The following TRPV1 variants were observed in gnomAD, a reference collection of about 807,000 sequenced individuals.
The protein encoded by TRPV1 is OTRPC1.
In TRPV1, 82 loss-of-function variants were observed where a neutral mutation model predicts 82.3. The ratio of observed to expected loss-of-function variants is 1.00; its 90% CI spans 0.83 to 1.20. TRPV1 has a LOEUF of 1.20. Ranked by LOEUF, TRPV1 falls within the 50% of genes most tolerant of loss-of-function variation. TRPV1 has a pLI of 0.00. For missense variants in TRPV1, 1,067 were observed against 1,096.8 expected (o/e 0.97, Z 0.38); for synonymous variants, 515 against 467.7 (o/e 1.10, Z -1.30).
In TRPV1 at chr17:3,580,464, T is replaced by A; in HGVS notation, c.1540A>T (p.Met514Leu). Residue 514 changes from methionine to leucine, a missense_variant, in exon 11 of 17, where the codon ATG becomes TTG. Coordinates refer to ENST00000572705, the MANE Select transcript of TRPV1 (RefSeq NM_080704.4). ...AGTCAAAGTGTCACTTACAAAAGCA[T>A]CTCACTGTAGCTGTCCACAAACAGG... Reference protein sequence around the residue: ...KTLFVDSYSEMLFFLQSLFML... With the variant: ...KTLFVDSYSELLFFLQSLFML... The A allele has an allele frequency of 6.2e-7, 1 of 1,613,974 alleles. No individual in the cohort carries two copies. The highest frequency in any genetic ancestry group is 1.1e-5 in the South Asian group (1 of 91,086).
chr17:3,578,943 CAT>C (rs760270767), intron 11 of TRPV1: 23 of 152,298 alleles, frequency 1.5e-4, no homozygotes, highest in Admixed American at 1.2e-3. Context: ...CCAAATCCCA[CAT>C]GTTCTTACTT....
chr17:3,600,067 A>C (rs1038216288), intron 2 of TRPV1, among the ~76,000 whole-genome samples: 2 of 152,168 alleles, frequency 1.3e-5, no homozygotes, highest in African/African-American at 2.4e-5. Context: ...TAGGCGTGCA[A>C]ATATCTGGTC....
At position 3,591,281 on chromosome 17, in the gene TRPV1, A is replaced by G; in HGVS notation, c.357T>C (p.Phe119=). The stretch of plus-strand genomic sequence containing the variant: ...GGCAGTTATTCTGAGCAACGGCTTC[A>G]AAGATACTCCTGCGATCATAGAGCC... The part of the protein sequence containing the change: ...TLRLYDRRSI[F]EAVAQNNCQD... The change falls in exon 4 of 17, where the codon TTT becomes TTC. Residue 119 remains phenylalanine, a synonymous_variant. Coordinates refer to ENST00000572705, the MANE Select transcript of TRPV1 (RefSeq NM_080704.4). The G allele has an allele frequency of 6.2e-7, 1 of 1,613,118 alleles. No homozygotes were observed.
At chr17:3,601,950 G>A (rs2075266427) in intron 2 of TRPV1, 1 of 152,098 alleles carries the variant, frequency 6.6e-6, no homozygotes, top group South Asian at 2.1e-4. Context: ...GCTTCCTATG[G>A]CAACGGGCAC....
chr17:3,600,298 C>A (rs2075251196), intron 2 of TRPV1, among the ~76,000 whole-genome samples: 1 of 152,154 alleles, frequency 6.6e-6, no homozygotes, highest in Non-Finnish European at 1.5e-5. Context: ...CCAATAAAGA[C>A]AGCACGGAGC....
intron 13 of TRPV1, among the ~76,000 whole-genome samples, chr17:3,576,668 A>AAAAAAAATAT: frequency 5.2e-5 from 2 of 38,426 alleles, no homozygotes; most frequent in African/African-American, 1.5e-4. Context: ...AAAAAAAAAA[A>AAAAAAAATAT]ATATATATAT....
intron 2 of TRPV1, among the ~76,000 whole-genome samples, chr17:3,602,833 G>A (rs527810518): frequency 2.0e-4 from 31 of 152,096 alleles, no homozygotes; most frequent in East Asian, 9.6e-4. Flanking sequence ...CTCAAGATTC[G>A]AGCCCCAGCC....
At chr17:3,603,400 G>C (rs1307603831) in intron 2 of TRPV1, among the ~76,000 whole-genome samples, 1 of 152,182 alleles carries the variant, frequency 6.6e-6, no homozygotes, top group Non-Finnish European at 1.5e-5. Context: ...GGCCAATGGA[G>C]GGTCAGCAGG....
Position 3,576,653 on chromosome 17 carries a change from G to GAAAAAAAA in TRPV1, c.1780+465_1780+472dup, listed in dbSNP as rs35781190. Among the ~76,000 whole-genome samples the GAAAAAAAA allele has an allele frequency of 2.5e-3, 102 of 41,476 alleles. 4 individuals carry two copies. The highest frequency in any genetic ancestry group is 0.014 in the South Asian group (13 of 962). 27.2% of individuals were successfully genotyped at this position (41,476 alleles called of 152,430 possible). A position where few individuals can be genotyped will look rare whatever the true frequency, so the allele number is the denominator to read the frequency against. Reference sequence around the variant, plus strand: ...GGCAAGAGAGCTAGACTCTGTATGAGAAAAAAAAAAAAAAAATATATATAT... The same window carrying GAAAAAAAA: ...GGCAAGAGAGCTAGACTCTGTATGAGAAAAAAAAAAAAAAAAAAAAAAAATATATATAT... On this transcript the variant is annotated intron_variant, in intron 13 of 16. Coordinates refer to ENST00000572705, the MANE Select transcript of TRPV1 (RefSeq NM_080704.4).
chr17:3,572,412 G>A (rs1004491632), intron 14 of TRPV1, among the ~76,000 whole-genome samples, 163 bp from the exon 15 acceptor site: 4 of 152,160 alleles, frequency 2.6e-5, no homozygotes, highest in South Asian at 2.1e-4. Flanking sequence ...GTAGCCTGGC[G>A]GGGGTACACT....
At chr17:3,583,232 G>GC in intron 10 of TRPV1, 106 bp downstream of exon 10, 1 of 994,462 alleles carries the variant, frequency 1.0e-6, no homozygotes, top group Non-Finnish European at 1.5e-6. Flanking sequence ...CCCAAGTAGG[G>GC]CTATGATGTG....
intron 2 of TRPV1, among the ~76,000 whole-genome samples, chr17:3,595,385 A>C (rs372049840): frequency 6.4e-4 from 97 of 152,208 alleles, no homozygotes; most frequent in African/African-American, 2.2e-3. Flanking sequence ...ACGATGCTGG[A>C]GGTCTGGGGC....
chr17:3,590,364 C>T lies in TRPV1; in HGVS notation c.633G>A (p.Glu211=). ...GGGTCACCAGGGCCATGTTGCGTCT[C>T]TCGATGGCGATGTGCAGTGCTGTCT... ...KGQTALHIAI[E]RRNMALVTLL... is the part of the protein sequence containing the mutation. Residue 211 remains glutamate, a synonymous_variant, in exon 6 of 17, where the codon GAG becomes GAA. Coordinates refer to ENST00000572705, the MANE Select transcript of TRPV1 (RefSeq NM_080704.4). 6.2e-7 allele frequency: 1 copy of T among 1,614,010 alleles called. No individual in the cohort carries two copies. The highest frequency in any genetic ancestry group is 8.5e-7 in the Non-Finnish European group (1 of 1,179,902).
At chr17:3,593,266 C>T (rs62069908) in intron 2 of TRPV1, among the ~76,000 whole-genome samples, 32,206 of 151,870 alleles carry the variant, frequency 0.21, 3,793 homozygotes, top group South Asian at 0.28. Context: ...TACAGGCGCC[C>T]GCCACCATGC....
chr17:3,604,448 A>C (rs2075284397), intron 2 of TRPV1, among the ~76,000 whole-genome samples: 1 of 151,974 alleles, frequency 6.6e-6, no homozygotes, highest in African/African-American at 2.4e-5. Flanking sequence ...AAATACAAAA[A>C]TTAGCTGGGT....
chr17:3,587,263 C>T (rs1348254861), intron 8 of TRPV1, among the ~76,000 whole-genome samples: 5 of 152,126 alleles, frequency 3.3e-5, no homozygotes, highest in Middle Eastern at 3.2e-3. Context: ...CAGAGCAGAC[C>T]AGGCCTTTCC....
At chr17:3,607,589 T>G (rs2075304743) in intron 2 of TRPV1, among the ~76,000 whole-genome samples, 1 of 149,230 alleles carries the variant, frequency 6.7e-6, no homozygotes, top group African/African-American at 2.5e-5. Flanking sequence ...CAGGCTAGAG[T>G]GCAGTGGTGC....
rs201623833 is a variant in TRPV1, at chr17:3,573,898, G to A, written c.1838C>T (p.Ser613Leu). Residue 613 changes from serine (S) to leucine (L), a missense_variant, in exon 14 of 17, where the codon TCG becomes TTG. By Grantham distance (145) the Ser-to-Leu change is moderately radical. Transcript: ENST00000572705. ...GCAGGCAGGCCCCCGCCACCTGTGC[G>A]ACGTGGACTCAGACGGCAGGGAGTC... ...KNDSLPSEST[S>L]HRWRGPACRP... 92 of 1,610,686 alleles carry A rather than the reference G, an allele frequency of 5.7e-5. 1 individual carries two copies. In the Middle Eastern group the frequency reaches 8.3e-4, roughly 14 times the overall value.
At chr17:3,570,887 T>TA (rs2150824384) in intron 16 of TRPV1, among the ~76,000 whole-genome samples, 1 of 152,228 alleles carries the variant, frequency 6.6e-6, no homozygotes, top group South Asian at 2.1e-4. Context: ...CTAATTTTTG[T>TA]ATTTTTTTTA....
Sources: allele counts gnomAD v4.1 joint callset (sites outside exome capture counted in the v4.1 genomes callset), GRCh38; gene constraint gnomAD v4.1.1; transcripts MANE v1.5; gene names NCBI Gene and HGNC (gene_info 2026-07-23, HGNC 2026-07-21).